TBC1D12: variants seen among roughly 807,000 people sequenced by gnomAD.
TBC1D12 encodes TBC1 domain family, member 12.
TBC1D12 carries 56 observed loss-of-function variants against 86.7 expected under a neutral mutation model. The ratio of observed to expected loss-of-function variants is 0.65; its 90% CI spans 0.52 to 0.81. The LOEUF is 0.81. Among genes scored for constraint, TBC1D12 ranks in the 30% least tolerant of loss-of-function variants. The pLI is 0.00. For synonymous variants in TBC1D12, 421 were observed against 411.7 expected (o/e 1.02, Z -0.27); for missense variants, 1,023 against 1,038.8 (o/e 0.98, Z 0.21).
chr10:94,465,538 C>T lies in TBC1D12; in HGVS notation c.1096-9130C>T, dbSNP rs371504329. Among the ~76,000 whole-genome samples, 38 of 151,734 alleles carry T rather than the reference C, an allele frequency of 2.5e-4. No homozygotes were observed. In the East Asian group the frequency reaches 6.2e-3, roughly 25 times the overall value. ...GCACGTGCCTGTAGTCTCAGCTACT[C>T]GGGAGGCTGAGGCAGGAGAATCGCT... On this transcript the variant is annotated intron_variant, in intron 2 of 12. Transcript: ENST00000225235.
rs774961028 is a variant in TBC1D12 at position 94,465,645 on chromosome 10, T to TAAAA, written c.1096-9015_1096-9012dup. 4.3e-3 allele frequency among the ~76,000 whole-genome samples: 561 copies of TAAAA among 131,074 alleles called. 1 individual carries two copies. The highest frequency in any genetic ancestry group is 0.028 in the South Asian group (117 of 4,166). 86.0% of individuals were successfully genotyped at this position (131,074 alleles called of 152,430 possible). A position where few individuals can be genotyped will look rare whatever the true frequency, so the allele number is the denominator to read the frequency against. ...TGGGCGACAGAGCAAGACTCTTGCC[T>TAAAA]AAAAAAAAAAATATATATATATATA... On this transcript the variant is annotated intron_variant, in intron 2 of 12. Transcript: ENST00000225235.
rs200836621 is a variant in TBC1D12, at chr10:94,435,310, CAA to C, written c.972-6584_972-6583del. On this transcript the variant is annotated intron_variant, in intron 1 of 12. Transcript: ENST00000225235. The stretch of plus-strand genomic sequence containing the variant: ...TATTTATATCATGTAAATATCAAAA[CAA>C]ATTTATATCATGTAAATTTCTAACA... 7.6e-3 allele frequency among the ~76,000 whole-genome samples: 1,159 copies of C among 152,252 alleles called. 16 individuals carry two copies. The highest frequency in any genetic ancestry group is 0.027 in the African/African-American group (1,108 of 41,560).
At chr10:94,488,222 C>G (rs1428258820) in intron 3 of TBC1D12, among the ~76,000 whole-genome samples, 1 of 151,384 alleles carries the variant, frequency 6.6e-6, no homozygotes, top group Non-Finnish European at 1.5e-5. Context: ...CCTGTCCCTA[C>G]TAAAACAATA....
At chr10:94,496,038 G>A (rs1184820771) in intron 4 of TBC1D12, among the ~76,000 whole-genome samples, 3 of 152,046 alleles carry the variant, frequency 2.0e-5, no homozygotes, top group Non-Finnish European at 4.4e-5. Flanking sequence ...GGGAGGTAGA[G>A]GTTGCAGTGA....
intron 3 of TBC1D12, among the ~76,000 whole-genome samples, chr10:94,484,766 A>G (rs1030521194): frequency 1.3e-5 from 2 of 152,030 alleles, no homozygotes; most frequent in Non-Finnish European, 2.9e-5. Context: ...GTCCTCTTCA[A>G]TTTCTTTTAT....
At chr10:94,450,867 A>G (rs2055539604) in intron 2 of TBC1D12, among the ~76,000 whole-genome samples, 1 of 152,162 alleles carries the variant, frequency 6.6e-6, no homozygotes, top group South Asian at 2.1e-4. Flanking sequence ...TTGTGGCAAC[A>G]TGAGTGGAAC....
chr10:94,418,554 TCTATTA>T (rs1564937406), intron 1 of TBC1D12, among the ~76,000 whole-genome samples: 1 of 148,230 alleles, frequency 6.7e-6, no homozygotes. Context: ...TATACTTTGG[TCTATTA>T]TTATTATTAT....
chr10:94,455,791 T>C (rs2055618222), intron 2 of TBC1D12, among the ~76,000 whole-genome samples: 1 of 152,008 alleles, frequency 6.6e-6, no homozygotes, highest in Non-Finnish European at 1.5e-5. Flanking sequence ...GTACTAAAAA[T>C]ATTAATTTTC....
At chr10:94,408,035 G>T (rs1432285650) in intron 1 of TBC1D12, among the ~76,000 whole-genome samples, 1 of 152,068 alleles carries the variant, frequency 6.6e-6, no homozygotes, top group Non-Finnish European at 1.5e-5. Context: ...TAAGTAGAAT[G>T]GTTTATTTTT....
In TBC1D12 at chr10:94,402,881, C is replaced by G; in HGVS notation, c.268C>G (p.Leu90Val). 6.6e-7 allele frequency: 1 copy of G among 1,505,990 alleles called. No individual in the cohort carries two copies. The highest frequency in any genetic ancestry group is 8.8e-7 in the Non-Finnish European group (1 of 1,131,976). 93.3% of individuals were successfully genotyped at this position (1,505,990 alleles called of 1,614,324 possible). The change falls in exon 1 of 13, where the codon CTC becomes GTC. Residue 90 changes from leucine to valine, a missense_variant. By Grantham distance (32) the Leu-to-Val change is conservative (BLOSUM62 1). Transcript: ENST00000225235. ...GGAGCCGGGGCTCTGCTACTGTCCG[C>G]TCCCCGCTGGCCAGGCCGGCGCCCC... ...QLEPGLCYCP[L>V]PAGQAGAPPP...
chr10:94,441,887 G>C lies in TBC1D12; in HGVS notation c.972-9G>C. On this transcript the variant is annotated splice_polypyrimidine_tract_variant and intron_variant, in intron 1 of 12. Coordinates refer to ENST00000225235, the MANE Select transcript of TBC1D12 (RefSeq NM_015188.2). ...AAAACACAATTCATGTAACTTTTCT[G>C]TGTTTCAGAAACCTTTTTCCAAAAA... The C allele has an allele frequency of 6.2e-7, 1 of 1,608,204 alleles. No individual in the cohort carries two copies. The highest frequency in any genetic ancestry group is 1.1e-5 in the South Asian group (1 of 89,328).
At chr10:94,514,822 G>A (rs1353408901) in intron 9 of TBC1D12, among the ~76,000 whole-genome samples, 1 of 148,914 alleles carries the variant, frequency 6.7e-6, no homozygotes, top group Non-Finnish European at 1.5e-5. Flanking sequence ...TCTATTTTTA[G>A]TTTTTTTTGA....
chr10:94,407,479 C>T (rs1054468668), intron 1 of TBC1D12, among the ~76,000 whole-genome samples: 7 of 152,138 alleles, frequency 4.6e-5, no homozygotes, highest in Non-Finnish European at 4.4e-5. Context: ...GTCAAGAGTT[C>T]GAGACCAGCC....
At chr10:94,433,147 G>A (rs1293676213) in intron 1 of TBC1D12, among the ~76,000 whole-genome samples, 2 of 152,116 alleles carry the variant, frequency 1.3e-5, no homozygotes, top group African/African-American at 4.8e-5. Flanking sequence ...GGAGGTTGCA[G>A]TGAGCCAATA....
At chr10:94,456,910 T>A (rs1157671477) in intron 2 of TBC1D12, among the ~76,000 whole-genome samples, 1 of 152,240 alleles carries the variant, frequency 6.6e-6, no homozygotes, top group Admixed American at 6.5e-5. Context: ...CCCTTTATTA[T>A]GTAATGCCCC....
At chr10:94,512,461 G>A (rs1032204500) in intron 9 of TBC1D12, among the ~76,000 whole-genome samples, 12 of 152,118 alleles carry the variant, frequency 7.9e-5, no homozygotes, top group African/African-American at 2.2e-4. Flanking sequence ...AAGTTACTTT[G>A]TTCTGTTGCA....
intron 3 of TBC1D12, among the ~76,000 whole-genome samples, chr10:94,478,840 G>A (rs1037906330): frequency 3.9e-5 from 6 of 152,064 alleles, no homozygotes; most frequent in Non-Finnish European, 8.8e-5. Flanking sequence ...CTATGTCATA[G>A]CACCTGCTCA....
intron 1 of TBC1D12, among the ~76,000 whole-genome samples, chr10:94,435,049 G>A (rs191307106): frequency 1.9e-4 from 29 of 152,198 alleles, no homozygotes; most frequent in Admixed American, 1.0e-3. Flanking sequence ...TGCTTTTCAC[G>A]GAGGAATAAT....
Position 94,534,001 on chromosome 10 carries a change from C to T in TBC1D12, c.*905C>T, listed in dbSNP as rs1269023621. ...GGCAAGACTTCATATTTTTTAGTTA[C>T]AATTCTTCCACTGTTTAACTCCAGT... On this transcript the variant is annotated 3_prime_UTR_variant, in exon 13 of 13. Transcript: ENST00000225235. 7 of 152,140 alleles carry T rather than the reference C, an allele frequency of 4.6e-5. No homozygotes were observed. Among genetic ancestry groups the T allele is most frequent in the African/African-American group, 1.7e-4 (7 of 41,446 alleles). 9.4% of individuals were successfully genotyped at this position (152,140 alleles called of 1,614,324 possible).
Sources: allele counts gnomAD v4.1 joint callset (sites outside exome capture counted in the v4.1 genomes callset), GRCh38; gene constraint gnomAD v4.1.1; transcripts MANE v1.5; gene names NCBI Gene and HGNC (gene_info 2026-07-23, HGNC 2026-07-21).